The following NRG3 variants were observed in gnomAD, a reference collection of about 807,000 sequenced individuals.
The protein encoded by NRG3 is neuregulin 3.
NRG3 carries 31 observed loss-of-function variants against 66.9 expected under a neutral mutation model. That is an observed-to-expected ratio of 0.46 (90% CI 0.35 to 0.63). The LOEUF (loss-of-function observed/expected upper bound fraction) is 0.63, where lower values mean the gene tolerates loss of function less well. NRG3 is among the 20% of genes least tolerant of loss of function. NRG3 has a pLI of 0.00. For missense variants in NRG3, 910 were observed against 878.9 expected (o/e 1.04, Z -0.45); for synonymous variants, 393 against 359.4 (o/e 1.09, Z -1.06).
chr10:82,736,970 T>TTTTCTG (rs2058185904), intron 2 of NRG3, among the ~76,000 whole-genome samples: 1 of 152,188 alleles, frequency 6.6e-6, no homozygotes, highest in Non-Finnish European at 1.5e-5. Flanking sequence ...CATGGTACGA[T>TTTTCTG]AATTCTGAAT....
chr10:82,845,600 T>C (rs2063274547), intron 3 of NRG3, among the ~76,000 whole-genome samples: 1 of 149,738 alleles, frequency 6.7e-6, no homozygotes, highest in South Asian at 2.1e-4. Context: ...GGGAAATGGA[T>C]AAACTGGAAA....
intron 1 of NRG3, among the ~76,000 whole-genome samples, chr10:82,049,037 G>T (rs888496645): frequency 3.3e-5 from 5 of 152,018 alleles, no homozygotes; most frequent in African/African-American, 7.2e-5. Context: ...ACCCTCCCAG[G>T]ACTAAACCAG....
chr10:82,708,408 C>T (rs1033011895), intron 2 of NRG3, among the ~76,000 whole-genome samples: 5 of 152,088 alleles, frequency 3.3e-5, no homozygotes, highest in Admixed American at 3.3e-4. Flanking sequence ...TACTTTGTCA[C>T]CCAAGTAATA....
intron 3 of NRG3, among the ~76,000 whole-genome samples, chr10:82,827,966 TA>T (rs1366527325): frequency 2.6e-5 from 4 of 152,166 alleles, no homozygotes; most frequent in Non-Finnish European, 5.9e-5. Context: ...CATGGGTTTT[TA>T]AAAGAGTGTT....
intron 2 of NRG3, among the ~76,000 whole-genome samples, chr10:82,577,457 T>A (rs584735): frequency 0.088 from 13,366 of 151,866 alleles, 653 homozygotes; most frequent in East Asian, 0.15. Flanking sequence ...TACACAGTCA[T>A]ATATATCTAG....
intron 1 of NRG3, among the ~76,000 whole-genome samples, chr10:82,309,416 T>C (rs1692789958): frequency 6.6e-6 from 1 of 151,994 alleles, no homozygotes; most frequent in Admixed American, 6.6e-5. Flanking sequence ...TGAAGTCTCC[T>C]AGTTACATTG....
chr10:82,180,096 A>G (rs371457225), intron 1 of NRG3, among the ~76,000 whole-genome samples: 6 of 151,828 alleles, frequency 4.0e-5, no homozygotes, highest in African/African-American at 1.2e-4. Context: ...TATATACTAC[A>G]ACTTTTGTTG....
At chr10:82,855,083 G>A (rs1026872992) in intron 3 of NRG3, among the ~76,000 whole-genome samples, 5 of 152,114 alleles carry the variant, frequency 3.3e-5, no homozygotes, top group African/African-American at 1.2e-4. Flanking sequence ...GACGGGAAGT[G>A]GGGGTGAGTT....
intron 1 of NRG3, among the ~76,000 whole-genome samples, chr10:82,212,041 C>T (rs994651650): frequency 6.6e-6 from 1 of 152,164 alleles, no homozygotes; most frequent in African/African-American, 2.4e-5. Flanking sequence ...TCTAGGACCT[C>T]CCTACATTTA....
intron 7 of NRG3, among the ~76,000 whole-genome samples, chr10:82,975,588 C>T (rs192394600): frequency 2.6e-5 from 4 of 152,250 alleles, no homozygotes; most frequent in Admixed American, 6.5e-5. Flanking sequence ...GATGGGCAAG[C>T]GTTGACTTAC....
chr10:82,273,450 T>C (rs774155950), intron 1 of NRG3, among the ~76,000 whole-genome samples: 26 of 152,214 alleles, frequency 1.7e-4, no homozygotes, highest in Non-Finnish European at 3.5e-4. Context: ...TATTTTTATA[T>C]GATTCAAGAT....
At chr10:82,595,719 A>T (rs891511140) in intron 2 of NRG3, among the ~76,000 whole-genome samples, 4 of 151,670 alleles carry the variant, frequency 2.6e-5, no homozygotes, top group African/African-American at 9.7e-5. Context: ...CGGGAGGCAG[A>T]GGTTGCAGTG....
intron 2 of NRG3, among the ~76,000 whole-genome samples, chr10:82,580,904 T>TAA (rs1374357319): frequency 3.8e-5 from 1 of 26,014 alleles, no homozygotes; most frequent in Non-Finnish European, 6.2e-5. Flanking sequence ...TGTAAGTTTG[T>TAA]GTGTGTGTGT....
At chr10:82,345,096 T>C (rs1288492342) in intron 1 of NRG3, among the ~76,000 whole-genome samples, 1 of 132,012 alleles carries the variant, frequency 7.6e-6, no homozygotes, top group Non-Finnish European at 1.5e-5. Flanking sequence ...TTTTGGCTTT[T>C]GTTGCCATTG....
Position 82,109,559 on chromosome 10 carries a change from G to A in NRG3, c.823+233396G>A, listed in dbSNP as rs1032896231. Among the ~76,000 whole-genome samples, 6 of 132,200 alleles carry A rather than the reference G, an allele frequency of 4.5e-5. No individual in the cohort carries two copies. The East Asian group carries it at 1.2e-3, about 26-fold the overall frequency. The allele number at this position is 132,200 out of a possible 152,430, so 86.7% of individuals were successfully genotyped here. A position where few individuals can be genotyped will look rare whatever the true frequency, so the allele number is the denominator to read the frequency against. ...ATTGTGTGTGTGTGTGTGTGTGTGTGTGTGTGTGTGTGTGTGTGTATATAT... is the reference window on the plus strand; with the variant it reads ...ATTGTGTGTGTGTGTGTGTGTGTGTATGTGTGTGTGTGTGTGTGTATATAT... On this transcript the variant is annotated intron_variant, in intron 1 of 8. Coordinates refer to ENST00000372141, the MANE Select transcript of NRG3 (RefSeq NM_001010848.4).
At chr10:82,083,862 C>T (rs1458479549) in intron 1 of NRG3, among the ~76,000 whole-genome samples, 1 of 151,762 alleles carries the variant, frequency 6.6e-6, no homozygotes, top group African/African-American at 2.4e-5. Context: ...GGTGATCCAC[C>T]TGCCTTGGCC....
At chr10:82,179,870 A>G (rs2073293926) in intron 1 of NRG3, among the ~76,000 whole-genome samples, 1 of 151,928 alleles carries the variant, frequency 6.6e-6, no homozygotes, top group South Asian at 2.1e-4. Flanking sequence ...CAGTCAAGAA[A>G]AGTAGAATGT....
intron 1 of NRG3, among the ~76,000 whole-genome samples, chr10:82,055,131 T>G (rs1452599484): frequency 1.3e-5 from 2 of 151,958 alleles, no homozygotes; most frequent in Non-Finnish European, 1.5e-5. Flanking sequence ...TCTCAGCTGC[T>G]GCTGACAGGT....
In NRG3 at chr10:82,071,738, T is replaced by C. The variant is rs139792183; in HGVS notation, c.823+195575T>C. ...ATTTCAACATCATCACTCTGGACAC[T>C]GTGTCAAGAATTGGCTGAAGGGACG... is the stretch of plus-strand genomic sequence containing the variant. On this transcript the variant is annotated intron_variant, in intron 1 of 8. Transcript: ENST00000372141. Among the ~76,000 whole-genome samples the C allele has an allele frequency of 3.6e-4, 55 of 152,224 alleles. No homozygotes were observed. The East Asian group carries it at 0.01, about 28-fold the overall frequency.
Sources: allele counts gnomAD v4.1 joint callset (sites outside exome capture counted in the v4.1 genomes callset), GRCh38; gene constraint gnomAD v4.1.1; transcripts MANE v1.5; gene names NCBI Gene and HGNC (gene_info 2026-07-23, HGNC 2026-07-21).